Variants in TXNRD1 observed in about 807,000 individuals in gnomAD.
TXNRD1 encodes the protein thioredoxin reductase 1.
In TXNRD1, 57 loss-of-function variants were observed where a neutral mutation model predicts 80.3. The ratio of observed to expected loss-of-function variants is 0.71; its 90% CI spans 0.57 to 0.89. The LOEUF is 0.89. Ranked by LOEUF, TXNRD1 falls within the 40% of genes least tolerant of loss-of-function variation. The pLI is 0.00. For missense variants in TXNRD1, 730 were observed against 803.0 expected, an observed-to-expected ratio of 0.91 and a Z score of 1.10; for synonymous variants, 291 against 285.2, an observed-to-expected ratio of 1.02 and a Z score of -0.20.
chr12:104,275,779 C>T (rs921542280), intron 3 of TXNRD1, among the ~76,000 whole-genome samples: 3 of 152,104 alleles, frequency 2.0e-5, no homozygotes. Context: ...CTTCTAACCA[C>T]ACTGAGGTCA....
At position 104,321,245 on chromosome 12, in the gene TXNRD1, A is replaced by T. The variant is rs757283703; in HGVS notation, c.1144A>T (p.Met382Leu). The change falls in exon 10 of 17, where the codon ATG (methionine) becomes TTG (leucine). Residue 382 changes from methionine (M) to leucine (L), a missense_variant. Coordinates refer to ENST00000525566, the MANE Select transcript of TXNRD1 (RefSeq NM_001093771.3). The stretch of plus-strand genomic sequence containing the variant: ...TCTTCTTAGAGGATTTGACCAGGAC[A>T]TGGCCAACAAAATTGGTGAACACAT... ...SILLRGFDQD[M>L]ANKIGEHMEE... is the part of the protein sequence containing the mutation. 2.5e-6 allele frequency: 4 copies of T among 1,613,978 alleles called. No homozygotes were observed. Among genetic ancestry groups the T allele is most frequent in the East Asian group, 4.5e-5 (2 of 44,880 alleles).
At chr12:104,231,314 C>A (rs1049016640) in intron 1 of TXNRD1, among the ~76,000 whole-genome samples, 1 of 152,112 alleles carries the variant, frequency 6.6e-6, no homozygotes, top group Non-Finnish European at 1.5e-5. Flanking sequence ...CAGCTAGGGC[C>A]CCTCCTGGGG....
At chr12:104,254,644 A>AATATAT (rs1178469026) in intron 2 of TXNRD1, among the ~76,000 whole-genome samples, 12 of 93,628 alleles carry the variant, frequency 1.3e-4, no homozygotes, top group East Asian at 2.7e-4. Context: ...AAAAAAAAAA[A>AATATAT]ATATATATAT....
At chr12:104,309,901 T>C in intron 4 of TXNRD1, 2 of 1,536,052 alleles carry the variant, frequency 1.3e-6, no homozygotes, top group South Asian at 2.4e-5. Flanking sequence ...TTCCAGGTGT[T>C]CTCCCTTCAG....
chr12:104,305,099 A>G (rs977355046), intron 4 of TXNRD1: 6 of 733,728 alleles, frequency 8.2e-6, no homozygotes, highest in Non-Finnish European at 1.0e-5. Flanking sequence ...AGTAATTTAT[A>G]AGGTCATGAT....
chr12:104,341,217 C>T (rs902842427), intron 16 of TXNRD1, among the ~76,000 whole-genome samples: 1 of 152,196 alleles, frequency 6.6e-6, no homozygotes, highest in Non-Finnish European at 1.5e-5. Flanking sequence ...GCATCTCCAT[C>T]TGTTGGTCCT....
intron 3 of TXNRD1, among the ~76,000 whole-genome samples, chr12:104,267,711 T>TTCTCTCTCTCTC (rs1178593650): frequency 1.7e-5 from 1 of 57,454 alleles, no homozygotes; most frequent in South Asian, 6.1e-4. Context: ...CTCTCTTTCT[T>TTCTCTCTCTCTC]TCTTTCTTTC....
chr12:104,235,056 G>A (rs936563388), intron 1 of TXNRD1, among the ~76,000 whole-genome samples: 13 of 152,240 alleles, frequency 8.5e-5, no homozygotes, highest in South Asian at 8.3e-4. Context: ...ATAAGAGCTC[G>A]GAGTCGCAAA....
intron 7 of TXNRD1, among the ~76,000 whole-genome samples, chr12:104,317,778 G>C (rs975464076): frequency 5.3e-5 from 8 of 152,234 alleles, no homozygotes; most frequent in African/African-American, 1.9e-4. Context: ...CAAGGCTGCA[G>C]TGAGCTGTGA....
intron 1 of TXNRD1, among the ~76,000 whole-genome samples, chr12:104,250,053 T>C (rs2033085951): frequency 2.0e-5 from 3 of 152,068 alleles, no homozygotes; most frequent in African/African-American, 7.2e-5. Context: ...TAAATATCAG[T>C]CTAGGTGTAG....
chr12:104,309,450 A>G (rs4564401), intron 4 of TXNRD1, among the ~76,000 whole-genome samples: 11,822 of 152,136 alleles, frequency 0.078, 635 homozygotes, highest in East Asian at 0.19. Flanking sequence ...ATGAGGATAC[A>G]TTTTCTGGTA....
chr12:104,291,000 G>T, intron 4 of TXNRD1: 1 of 665,004 alleles, frequency 1.5e-6, no homozygotes, highest in African/African-American at 1.8e-5. Flanking sequence ...TAGAGATGGA[G>T]GTCTCATTAT....
chr12:104,255,702 A>T (rs1472598329), intron 2 of TXNRD1, among the ~76,000 whole-genome samples: 1 of 152,162 alleles, frequency 6.6e-6, no homozygotes, highest in Non-Finnish European at 1.5e-5. Context: ...CTGAGGCAGG[A>T]GAATTGCTTG....
intron 3 of TXNRD1, chr12:104,258,370 G>A (rs2033299082): frequency 4.0e-6 from 1 of 251,560 alleles, no homozygotes; most frequent in Non-Finnish European, 7.5e-6. Flanking sequence ...CTGGTTTTAT[G>A]GTAACTTTAC....
intron 3 of TXNRD1, chr12:104,287,413 A>C (rs764980453): frequency 6.2e-7 from 1 of 1,613,926 alleles, no homozygotes; most frequent in South Asian, 1.1e-5. Flanking sequence ...GACAGTTTGC[A>C]GAACAGCGGA....
chr12:104,297,070 G>C (rs984527143), intron 4 of TXNRD1, among the ~76,000 whole-genome samples: 1 of 152,082 alleles, frequency 6.6e-6, no homozygotes, highest in African/African-American at 2.4e-5. Context: ...TTGAGAGGCC[G>C]AGGCGGGTGG....
intron 3 of TXNRD1, chr12:104,286,945 C>T (rs1283594512): frequency 1.7e-6 from 2 of 1,208,106 alleles, no homozygotes; most frequent in Non-Finnish European, 2.1e-6. Flanking sequence ...GTCATTCTGA[C>T]TCTGGCAGTT....
intron 10 of TXNRD1, among the ~76,000 whole-genome samples, chr12:104,322,991 G>A (rs1472670564): frequency 7.5e-6 from 1 of 133,230 alleles, no homozygotes; most frequent in Non-Finnish European, 1.6e-5. Flanking sequence ...TGAGATTAGG[G>A]AGTGGTGATG....
At chr12:104,266,621 A>G (rs1026549639) in intron 3 of TXNRD1, among the ~76,000 whole-genome samples, 1 of 151,692 alleles carries the variant, frequency 6.6e-6, no homozygotes, top group Non-Finnish European at 1.5e-5. Flanking sequence ...TCACAAGGTC[A>G]GGAGATCAAG....
Sources: allele counts gnomAD v4.1 joint callset (sites outside exome capture counted in the v4.1 genomes callset), GRCh38; gene constraint gnomAD v4.1.1; transcripts MANE v1.5; gene names NCBI Gene and HGNC (gene_info 2026-07-23, HGNC 2026-07-21).